Variants in POU2F1 observed in about 807,000 individuals in gnomAD.
The protein encoded by POU2F1 is POU class 2 homeobox 1.
POU2F1 carries 16 observed loss-of-function variants against 84.9 expected under a neutral mutation model. That is an observed-to-expected ratio of 0.19 (90% CI 0.13 to 0.29). POU2F1 has a LOEUF of 0.29. Among genes scored for constraint, POU2F1 ranks in the 10% least tolerant of loss-of-function variants. The pLI, the probability that POU2F1 is intolerant of heterozygous loss-of-function variation, is 1.00. For missense variants in POU2F1, 738 were observed against 942.6 expected (o/e 0.78, Z 2.84); for synonymous variants, 368 against 368.3 (o/e 1.00, Z 0.01).
At chr1:167,398,506 A>G (rs919632912) in intron 11 of POU2F1, among the ~76,000 whole-genome samples, 1 of 152,186 alleles carries the variant, frequency 6.6e-6, no homozygotes, top group African/African-American at 2.4e-5. Context: ...CATAGGGTGT[A>G]TGAGGAGACA....
chr1:167,288,973 C>G (rs1653728410), intron 1 of POU2F1, among the ~76,000 whole-genome samples: 1 of 152,164 alleles, frequency 6.6e-6, no homozygotes, highest in African/African-American at 2.4e-5. Flanking sequence ...TGGCCAAGAA[C>G]ATCACAAACC....
chr1:167,292,127 TATAG>T (rs1400689695), intron 1 of POU2F1, among the ~76,000 whole-genome samples: 4 of 152,112 alleles, frequency 2.6e-5, no homozygotes, highest in Non-Finnish European at 5.9e-5. Context: ...TGAGGCTTTT[TATAG>T]ATAAAGTTGA....
chr1:167,274,152 A>C (rs1436163666), intron 1 of POU2F1, among the ~76,000 whole-genome samples: 1 of 152,226 alleles, frequency 6.6e-6, no homozygotes, highest in African/African-American at 2.4e-5. Flanking sequence ...TGCTCACATT[A>C]AGAAGGTTAC....
chr1:167,253,529 G>A (rs1571171319), intron 1 of POU2F1, among the ~76,000 whole-genome samples: 1 of 151,928 alleles, frequency 6.6e-6, no homozygotes, highest in African/African-American at 2.4e-5. Context: ...AGGCTCAGGC[G>A]ATCTTCCCAC....
intron 15 of POU2F1, among the ~76,000 whole-genome samples, chr1:167,415,214 A>C (rs1316179998): frequency 1.3e-5 from 2 of 152,256 alleles, no homozygotes; most frequent in Non-Finnish European, 2.9e-5. Context: ...TGGTGATTTC[A>C]AGACACGAAC....
intron 2 of POU2F1, among the ~76,000 whole-genome samples, chr1:167,351,452 A>T (rs931796148): frequency 7.2e-6 from 1 of 139,214 alleles, no homozygotes; most frequent in Non-Finnish European, 1.5e-5. Context: ...TGGGAGGCGC[A>T]GGGTTGCAGT....
At chr1:167,255,917 T>A (rs192190777) in intron 1 of POU2F1, among the ~76,000 whole-genome samples, 7 of 152,276 alleles carry the variant, frequency 4.6e-5, no homozygotes, top group Non-Finnish European at 5.9e-5. Flanking sequence ...GGCATTTACC[T>A]TGGATAAGAG....
chr1:167,289,746 T>C (rs983357928), intron 1 of POU2F1, among the ~76,000 whole-genome samples: 2 of 152,244 alleles, frequency 1.3e-5, no homozygotes, highest in African/African-American at 4.8e-5. Context: ...CTCTGTTCTA[T>C]ATTTGGCCAG....
intron 8 of POU2F1, among the ~76,000 whole-genome samples, 177 bp from the exon 9 acceptor site, chr1:167,389,411 G>T (rs1375924318): frequency 6.6e-6 from 1 of 152,086 alleles, no homozygotes; most frequent in Non-Finnish European, 1.5e-5. Flanking sequence ...TGTAATTACA[G>T]TATACATAAT....
At chr1:167,351,519 C>CAAAAAAAA (rs34170498) in intron 2 of POU2F1, among the ~76,000 whole-genome samples, 213 of 45,360 alleles carry the variant, frequency 4.7e-3, no homozygotes, top group Non-Finnish European at 5.6e-3. Context: ...AGCACCATCT[C>CAAAAAAAA]AAAAAAAAAA....
At chr1:167,306,637 G>T (rs552117809) in intron 1 of POU2F1, among the ~76,000 whole-genome samples, 4 of 152,084 alleles carry the variant, frequency 2.6e-5, no homozygotes, top group African/African-American at 7.2e-5. Flanking sequence ...GAAATTTATT[G>T]TCTCTCAGTT....
At chr1:167,272,546 C>T (rs1039328882) in intron 1 of POU2F1, among the ~76,000 whole-genome samples, 1 of 152,060 alleles carries the variant, frequency 6.6e-6, no homozygotes, top group Non-Finnish European at 1.5e-5. Flanking sequence ...CCTCAAGAAA[C>T]TTAGAATCAT....
At chr1:167,329,249 C>T in intron 1 of POU2F1, 17 of 1,546,494 alleles carry the variant, frequency 1.1e-5, no homozygotes, top group Non-Finnish European at 1.4e-5. Flanking sequence ...CTTGTTTGGA[C>T]TCTCTGCTCC....
chr1:167,269,166 GA>G (rs531975604), intron 1 of POU2F1, among the ~76,000 whole-genome samples: 132 of 152,054 alleles, frequency 8.7e-4, no homozygotes, highest in African/African-American at 3.0e-3. Context: ...CTTTAAGTGG[GA>G]AATTAAAAAA....
chr1:167,250,864 T>C (rs1650676478), intron 1 of POU2F1, among the ~76,000 whole-genome samples: 1 of 152,254 alleles, frequency 6.6e-6, no homozygotes, highest in African/African-American at 2.4e-5. Flanking sequence ...CAAATTTTGT[T>C]ACCTTCCCTA....
intron 1 of POU2F1, among the ~76,000 whole-genome samples, chr1:167,271,350 T>C (rs1652354584): frequency 6.6e-6 from 1 of 152,216 alleles, no homozygotes; most frequent in Admixed American, 6.5e-5. Context: ...AAACATTAAA[T>C]GTATTTGTGA....
At chr1:167,301,732 G>T (rs893370021) in intron 1 of POU2F1, among the ~76,000 whole-genome samples, 2 of 152,168 alleles carry the variant, frequency 1.3e-5, no homozygotes, top group African/African-American at 2.4e-5. Context: ...GTTCCTGGTT[G>T]GGAGGGTTTG....
chr1:167,355,137 G>A (rs2101799285), intron 2 of POU2F1, among the ~76,000 whole-genome samples: 1 of 146,782 alleles, frequency 6.8e-6, no homozygotes, highest in South Asian at 2.2e-4. Flanking sequence ...TTCACATTTT[G>A]GCTTTTAATC....
chr1:167,356,158 T>TTTTTC (rs374570117), intron 2 of POU2F1, among the ~76,000 whole-genome samples: 3,975 of 149,010 alleles, frequency 0.027, 76 homozygotes, highest in Middle Eastern at 0.042. Flanking sequence ...CTAATTTTTC[T>TTTTTC]TTTTCTTTTT....
Sources: gnomAD v4.1 joint callset for allele counts (sites outside exome capture counted in the v4.1 genomes callset) on GRCh38, gnomAD v4.1.1 for gene constraint, MANE v1.5 for transcripts, NCBI Gene and HGNC (gene_info 2026-07-23, HGNC 2026-07-21) for gene names.